The following ITSN1 variants were observed in gnomAD, a reference collection of about 807,000 sequenced individuals.
ITSN1 encodes the protein intersectin-1.
Under a neutral mutation model 239.8 loss-of-function variants are expected in ITSN1, and 58 were observed. The observed-to-expected ratio is 0.24, with a 90% CI of 0.20 to 0.30. The LOEUF (loss-of-function observed/expected upper bound fraction) is 0.30. ITSN1 is among the 10% of genes least tolerant of loss of function. The pLI is 1.00. For missense variants in ITSN1, 1,558 were observed against 2,103.3 expected, an observed-to-expected ratio of 0.74 and a Z score of 5.07; for synonymous variants, 780 against 770.8, an observed-to-expected ratio of 1.01 and a Z score of -0.20.
At chr21:33,687,408 A>T (rs1202580815) in intron 1 of ITSN1, among the ~76,000 whole-genome samples, 2 of 46,948 alleles carry the variant, frequency 4.3e-5, no homozygotes. Context: ...TAAAAAAAAA[A>T]AAAAAAAAAA....
chr21:33,884,235 A>T (rs963205870), intron 36 of ITSN1, among the ~76,000 whole-genome samples: 1 of 151,706 alleles, frequency 6.6e-6, no homozygotes, highest in Non-Finnish European at 1.5e-5. Context: ...TTGTTGTTTT[A>T]TTAAGAAATG....
chr21:33,806,310 C>T (rs987280191), intron 20 of ITSN1, among the ~76,000 whole-genome samples: 2 of 152,180 alleles, frequency 1.3e-5, no homozygotes, highest in African/African-American at 4.8e-5. Flanking sequence ...ACCTGCACTC[C>T]TCAACACATC....
chr21:33,738,751 T>C (rs2066661979), intron 5 of ITSN1, among the ~76,000 whole-genome samples: 1 of 152,098 alleles, frequency 6.6e-6, no homozygotes, highest in Non-Finnish European at 1.5e-5. Flanking sequence ...ATCACCAAAC[T>C]AACTGGGTGA....
At chr21:33,678,608 T>G (rs1176214247) in intron 1 of ITSN1, among the ~76,000 whole-genome samples, 1 of 152,220 alleles carries the variant, frequency 6.6e-6, no homozygotes, top group Non-Finnish European at 1.5e-5. Flanking sequence ...AGGTTTTGTT[T>G]ACAGAAAGTT....
At chr21:33,840,144 T>G (rs905544804) in intron 29 of ITSN1, among the ~76,000 whole-genome samples, 2 of 152,162 alleles carry the variant, frequency 1.3e-5, no homozygotes, top group African/African-American at 4.8e-5. Flanking sequence ...TTTCAAAATC[T>G]TATTCTTGTT....
intron 22 of ITSN1, chr21:33,817,728 T>C: frequency 1.1e-6 from 1 of 934,728 alleles, no homozygotes; most frequent in Non-Finnish European, 1.4e-6. Flanking sequence ...AAATGGTAAT[T>C]ACAATGAATT....
chr21:33,813,807 T>G, intron 21 of ITSN1, 106 bp from the exon 22 acceptor site: 2 of 926,670 alleles, frequency 2.2e-6, no homozygotes, highest in South Asian at 2.1e-5. Flanking sequence ...AAAGCTGGCA[T>G]ATTAGGGAGT....
intron 27 of ITSN1, among the ~76,000 whole-genome samples, chr21:33,832,624 T>C (rs550433155): frequency 6.6e-6 from 1 of 152,030 alleles, no homozygotes; most frequent in African/African-American, 2.4e-5. Context: ...AGTGGTGTCA[T>C]TGCGAGCAGA....
chr21:33,866,372 G>A (rs187530442), intron 32 of ITSN1, among the ~76,000 whole-genome samples: 134 of 152,346 alleles, frequency 8.8e-4, no homozygotes, highest in African/African-American at 3.1e-3. Context: ...ACCACCTAGG[G>A]TTTCAGCCAA....
chr21:33,741,481 C>T (rs913224351), intron 5 of ITSN1, among the ~76,000 whole-genome samples: 2 of 152,048 alleles, frequency 1.3e-5, no homozygotes, highest in African/African-American at 4.8e-5. Context: ...ATAGTGTGCA[C>T]GTGAACTGTA....
At chr21:33,844,795 C>T (rs1416391511) in intron 29 of ITSN1, among the ~76,000 whole-genome samples, 4 of 152,046 alleles carry the variant, frequency 2.6e-5, no homozygotes, top group South Asian at 2.1e-4. Flanking sequence ...CCTGAGGCCC[C>T]GTGACAAGAC....
At chr21:33,734,612 G>A (rs973659427) in intron 4 of ITSN1, among the ~76,000 whole-genome samples, 3 of 152,038 alleles carry the variant, frequency 2.0e-5, no homozygotes, top group Non-Finnish European at 2.9e-5. Flanking sequence ...TTAACATTCC[G>A]CTTCTAAATC....
chr21:33,657,564 T>C (rs552418033), intron 1 of ITSN1, among the ~76,000 whole-genome samples: 1 of 152,344 alleles, frequency 6.6e-6, no homozygotes, highest in Non-Finnish European at 1.5e-5. Flanking sequence ...GGTGTCTTTT[T>C]TTCTAACCCT....
At position 33,711,342 on chromosome 21, in the gene ITSN1, A is replaced by G. The variant is rs116141923; in HGVS notation, c.-32-7455A>G. ...TTTTTTTTCAAAGAACCAAAGTTTG[A>G]TTTTGTAATTTTCTCTATTGTCTGC... On this transcript the variant is annotated intron_variant, in intron 1 of 39. Coordinates refer to ENST00000381318, the MANE Select transcript of ITSN1 (RefSeq NM_003024.3). Among the ~76,000 whole-genome samples the G allele has an allele frequency of 4.4e-3, 666 of 150,496 alleles. 9 individuals are homozygous for G. The highest frequency in any genetic ancestry group is 0.015 in the African/African-American group (631 of 40,960).
rs1213593628 is a variant in ITSN1, at chr21:33,876,214, TC to T, written c.4341+694del. ...CTCTCTTTCTCCTTCCTTCCTCTCT[TC>T]TTTTTCTCTTTCTTTCCTTCTCTCT... is the stretch of plus-strand genomic sequence containing the variant. On this transcript the variant is annotated intron_variant, in intron 34 of 39. Coordinates refer to ENST00000381318, the MANE Select transcript of ITSN1 (RefSeq NM_003024.3). Among the ~76,000 whole-genome samples the T allele has an allele frequency of 1.5e-4, 5 of 32,680 alleles. 1 individual carries two copies. The highest frequency in any genetic ancestry group is 2.8e-4 in the Non-Finnish European group (5 of 17,548). 21.4% of individuals were successfully genotyped at this position (32,680 alleles called of 152,430 possible). A position where few individuals can be genotyped will look rare whatever the true frequency, so the allele number is the denominator to read the frequency against.
chr21:33,662,491 C>CT (rs144720756), intron 1 of ITSN1, among the ~76,000 whole-genome samples: 2,192 of 152,190 alleles, frequency 0.014, 29 homozygotes, highest in Middle Eastern at 0.071. Flanking sequence ...GGGGTATTGC[C>CT]TTTTTTGGGG....
At position 33,886,299 on chromosome 21, in the gene ITSN1, C is replaced by T. The variant is rs375436225; in HGVS notation, c.4856C>T (p.Pro1619Leu). ...TTGTTCCCTCCAGGAAAGAGCAACC[C>T]GTACTGTGAGGTGACCATGGGTTCC... Reference protein sequence around the residue: ...KPCRSHGKSNPYCEVTMGSQC... With the variant: ...KPCRSHGKSNLYCEVTMGSQC... Residue 1619 changes from proline (P) to leucine (L), a missense_variant, in exon 39 of 40, where the codon CCG becomes CTG. Pro to Leu is a moderately conservative substitution (Grantham distance 98). Around this residue, in one of 2 missense-constraint regions of ITSN1, gnomAD observed 576 missense variants for 893.3 expected, o/e 0.64. Coordinates refer to ENST00000381318, the MANE Select transcript of ITSN1 (RefSeq NM_003024.3). 4 of 1,613,828 alleles carry T rather than the reference C, an allele frequency of 2.5e-6. No homozygotes were observed. Among genetic ancestry groups the T allele is most frequent in the South Asian group, 2.2e-5 (2 of 91,082 alleles).
In ITSN1 at chr21:33,683,144, G is replaced by A. The variant is rs1183999683; in HGVS notation, c.-32-35653G>A. On this transcript the variant is annotated intron_variant, in intron 1 of 39. Transcript: ENST00000381318. ...GCCTGAGGAAATAAGGTGCCTTGGC[G>A]ATTCTCAGACTGGATAATCAGCTCC... 5.3e-5 allele frequency among the ~76,000 whole-genome samples: 8 copies of A among 151,842 alleles called. No individual in the cohort carries two copies. The East Asian group carries it at 1.2e-3, about 22-fold the overall frequency.
Position 33,770,056 on chromosome 21 carries a change from AT to A in ITSN1, c.1043-1997del, listed in dbSNP as rs1277084846. On this transcript the variant is annotated intron_variant, in intron 11 of 39. Transcript: ENST00000381318. ...ATAAGGGCCCCACTCTCAACGGCTA[AT>A]TTTTTTTGTTTTATTTTGTTTTTGA... 8.8e-5 allele frequency among the ~76,000 whole-genome samples: 13 copies of A among 147,808 alleles called. No homozygotes were observed. The South Asian group carries it at 1.9e-3, about 22-fold the overall frequency.
Sources: gnomAD v4.1 joint callset for allele counts (sites outside exome capture counted in the v4.1 genomes callset) on GRCh38, gnomAD v4.1.1 for gene constraint, gnomAD v4.1.1 regional missense constraint, MANE v1.5 for transcripts, NCBI Gene and HGNC (gene_info 2026-07-23, HGNC 2026-07-21) for gene names.